LRRC72: variants seen among roughly 807,000 people sequenced by gnomAD.
LRRC72 encodes leucine-rich repeat-containing protein 72.
LRRC72 carries 41 observed loss-of-function variants against 35.8 expected under a neutral mutation model. That is an observed-to-expected ratio of 1.15 (90% CI 0.89 to 1.49). The LOEUF (loss-of-function observed/expected upper bound fraction) is 1.49, where lower values mean the gene tolerates loss of function less well. Among genes scored for constraint, LRRC72 ranks in the 40% most tolerant of loss-of-function variants. LRRC72 has a pLI of 0.00. For missense variants in LRRC72, 389 were observed against 330.7 expected, an observed-to-expected ratio of 1.18 and a Z score of -1.37; for synonymous variants, 118 against 119.2, an observed-to-expected ratio of 0.99 and a Z score of 0.07.
At chr7:16,546,523 C>G (rs1174703170) in intron 3 of LRRC72, among the ~76,000 whole-genome samples, 1 of 152,146 alleles carries the variant, frequency 6.6e-6, no homozygotes, top group Non-Finnish European at 1.5e-5. Context: ...TCATTCAATA[C>G]AGCAGACAGA....
intron 5 of LRRC72, among the ~76,000 whole-genome samples, chr7:16,565,031 AAGG>A (rs1211058197): frequency 1.3e-5 from 2 of 152,192 alleles, no homozygotes; most frequent in East Asian, 3.8e-4. Flanking sequence ...TTATTGAGTG[AAGG>A]AGTTGTGCGG....
intron 7 of LRRC72, among the ~76,000 whole-genome samples, chr7:16,577,946 T>TG (rs1783071618): frequency 6.6e-6 from 1 of 152,218 alleles, no homozygotes; most frequent in Non-Finnish European, 1.5e-5. Flanking sequence ...TCAACTCTCT[T>TG]GGATGACCAT....
chr7:16,573,783 C>G (rs915097396), intron 7 of LRRC72, among the ~76,000 whole-genome samples: 4 of 152,056 alleles, frequency 2.6e-5, no homozygotes, highest in African/African-American at 9.7e-5. Context: ...CAATGGAAAC[C>G]AAAGCCAATA....
At chr7:16,555,892 C>T (rs1283247555) in intron 3 of LRRC72, among the ~76,000 whole-genome samples, 1 of 152,122 alleles carries the variant, frequency 6.6e-6, no homozygotes, top group Non-Finnish European at 1.5e-5. Context: ...ATCAATAACT[C>T]GTTCATGAGA....
intron 2 of LRRC72, among the ~76,000 whole-genome samples, chr7:16,535,325 T>C (rs768311170): frequency 4.6e-5 from 7 of 152,178 alleles, no homozygotes; most frequent in Non-Finnish European, 8.8e-5. Flanking sequence ...AATTTGATAA[T>C]TGTTTTAAGT....
chr7:16,566,497 G>T, intron 6 of LRRC72, 95 bp downstream of exon 6: 1 of 634,780 alleles, frequency 1.6e-6, no homozygotes, highest in East Asian at 3.2e-5. Context: ...ATATGTCTTT[G>T]TAAAAAATAT....
At position 16,551,454 on chromosome 7, in the gene LRRC72, G is replaced by C. The variant is rs891567312; in HGVS notation, c.235-5906G>C. Among the ~76,000 whole-genome samples, 7 of 152,240 alleles carry C rather than the reference G, an allele frequency of 4.6e-5. 1 individual carries two copies. Among genetic ancestry groups the C allele is most frequent in the East Asian group, 1.9e-4 (1 of 5,176 alleles). The stretch of plus-strand genomic sequence containing the variant: ...GCTCCCAGGCAGCTTCAGGATGGGG[G>C]CTGGCCATCAAAAACACTAAGGCAA... On this transcript the variant is annotated intron_variant, in intron 3 of 8. Coordinates refer to ENST00000401542, the MANE Select transcript of LRRC72 (RefSeq NM_001195280.2).
chr7:16,532,970 T>C (rs1020250379), intron 2 of LRRC72: 8 of 242,060 alleles, frequency 3.3e-5, no homozygotes, highest in Non-Finnish European at 6.6e-5. Flanking sequence ...ATTCACTGTT[T>C]CCGTGAAATT....
intron 3 of LRRC72, among the ~76,000 whole-genome samples, chr7:16,540,096 A>G (rs1361148710): frequency 6.6e-6 from 1 of 152,196 alleles, no homozygotes; most frequent in Non-Finnish European, 1.5e-5. Context: ...GAAAAGCCAC[A>G]GGGACTCAAT....
intron 5 of LRRC72, 125 bp downstream of exon 5, chr7:16,559,124 T>C: frequency 1.8e-6 from 1 of 558,378 alleles, no homozygotes; most frequent in Non-Finnish European, 3.1e-6. Context: ...CTGGGCACTG[T>C]GACTCACGCC....
chr7:16,541,450 A>G (rs1238858297), intron 3 of LRRC72, among the ~76,000 whole-genome samples: 1 of 152,224 alleles, frequency 6.6e-6, no homozygotes, highest in Non-Finnish European at 1.5e-5. Flanking sequence ...AACTAAGTGG[A>G]AAATGGAAAA....
chr7:16,576,496 A>G (rs1256504806), intron 7 of LRRC72, among the ~76,000 whole-genome samples: 1 of 152,172 alleles, frequency 6.6e-6, no homozygotes, highest in Non-Finnish European at 1.5e-5. Flanking sequence ...AGCAAGATCA[A>G]TTTTAAGTTT....
Position 16,551,553 on chromosome 7 carries a change from A to G in LRRC72, c.235-5807A>G, listed in dbSNP as rs143672577. Among the ~76,000 whole-genome samples, 31 of 152,266 alleles carry G rather than the reference A, an allele frequency of 2.0e-4. No homozygotes were observed. In the East Asian group the frequency reaches 3.1e-3, roughly 15 times the overall value. ...GGGAGAGGGCCTGAAGGTTAAATTGATCACCAATGGCCAATGATTTAATCA... is the reference window on the plus strand; with the variant it reads ...GGGAGAGGGCCTGAAGGTTAAATTGGTCACCAATGGCCAATGATTTAATCA... On this transcript the variant is annotated intron_variant, in intron 3 of 8. Transcript: ENST00000401542.
At chr7:16,553,028 A>G (rs1782582787) in intron 3 of LRRC72, among the ~76,000 whole-genome samples, 1 of 152,176 alleles carries the variant, frequency 6.6e-6, no homozygotes, top group Non-Finnish European at 1.5e-5. Flanking sequence ...GTAAGGCTAC[A>G]TTCTGTTTAT....
At chr7:16,540,712 G>T (rs1424822279) in intron 3 of LRRC72, among the ~76,000 whole-genome samples, 1 of 152,140 alleles carries the variant, frequency 6.6e-6, no homozygotes, top group Admixed American at 6.5e-5. Flanking sequence ...GAGTTCTCAT[G>T]AGATCTGATG....
intron 3 of LRRC72, among the ~76,000 whole-genome samples, chr7:16,544,958 C>T (rs1460863210): frequency 6.9e-6 from 1 of 145,626 alleles, no homozygotes; most frequent in Non-Finnish European, 1.5e-5. Flanking sequence ...ACATCATTAT[C>T]TAAAGAATAA....
At chr7:16,535,344 AT>A (rs1330568875) in intron 2 of LRRC72, among the ~76,000 whole-genome samples, 1 of 152,212 alleles carries the variant, frequency 6.6e-6, no homozygotes, top group Non-Finnish European at 1.5e-5. Context: ...GTGATAAAGG[AT>A]TAAGTAAAAA....
chr7:16,561,232 T>A (rs1583647555), intron 5 of LRRC72, among the ~76,000 whole-genome samples: 1 of 152,236 alleles, frequency 6.6e-6, no homozygotes, highest in Admixed American at 6.5e-5. Context: ...ACACTCAGCC[T>A]AAATATTTCT....
Position 16,580,099 on chromosome 7 carries a change from C to G in LRRC72, c.696C>G (p.Asp232Glu), listed in dbSNP as rs1783115771. ...PSDFAFANNV[D>E]KTVLDDPEDA... ...ATTTTGCATTTGCAAATAATGTAGACAAGTAAGTAATTTTATCTATACATT... is the reference window on the plus strand; with the variant it reads ...ATTTTGCATTTGCAAATAATGTAGAGAAGTAAGTAATTTTATCTATACATT... The change falls in exon 8 of 9, where the codon GAC (aspartate) becomes GAG (glutamate). Residue 232 changes from aspartate (D) to glutamate (E), a missense_variant and splice_region_variant. Coordinates refer to ENST00000401542, the MANE Select transcript of LRRC72 (RefSeq NM_001195280.2). 1 of 400,956 alleles carries G rather than the reference C, an allele frequency of 2.5e-6. No individual in the cohort carries two copies. The highest frequency in any genetic ancestry group is 4.4e-6 in the Non-Finnish European group (1 of 225,096). 24.8% of individuals were successfully genotyped at this position (400,956 alleles called of 1,614,324 possible). A position where few individuals can be genotyped will look rare whatever the true frequency, so the allele number is the denominator to read the frequency against.
Sources: gnomAD v4.1 joint callset for allele counts (sites outside exome capture counted in the v4.1 genomes callset) on GRCh38, gnomAD v4.1.1 for gene constraint, MANE v1.5 for transcripts, NCBI Gene and HGNC (gene_info 2026-07-23, HGNC 2026-07-21) for gene names.